Variants in AUTS2 observed in about 807,000 individuals in gnomAD.
The protein encoded by AUTS2 is autism susceptibility gene 2 protein.
In AUTS2, 17 loss-of-function variants were observed where a neutral mutation model predicts 112.4. The ratio of observed to expected loss-of-function variants is 0.15; its 90% CI spans 0.10 to 0.23. The LOEUF (loss-of-function observed/expected upper bound fraction) is 0.23. Ranked by LOEUF, AUTS2 falls within the 10% of genes least tolerant of loss-of-function variation. AUTS2 has a pLI of 1.00. For synonymous variants in AUTS2, 751 were observed against 702.7 expected (o/e 1.07, Z -1.09); for missense variants, 1,510 against 1,701.6 (o/e 0.89, Z 1.98).
At chr7:69,680,006 T>C (rs1266931710) in intron 1 of AUTS2, among the ~76,000 whole-genome samples, 1 of 152,238 alleles carries the variant, frequency 6.6e-6, no homozygotes, top group African/African-American at 2.4e-5. Context: ...CTTTTAACAT[T>C]ATATACTTGT....
intron 6 of AUTS2, among the ~76,000 whole-genome samples, chr7:70,757,604 A>G (rs900253076): frequency 2.1e-4 from 32 of 151,924 alleles, no homozygotes; most frequent in African/African-American, 6.8e-4. Context: ...TTTTAAGTCA[A>G]TTTTAGCAAT....
chr7:70,411,432 C>A (rs917141179), intron 4 of AUTS2, among the ~76,000 whole-genome samples: 2 of 152,072 alleles, frequency 1.3e-5, no homozygotes, highest in Non-Finnish European at 2.9e-5. Context: ...TAAATGAGAA[C>A]TTTTAGTTTG....
intron 1 of AUTS2, among the ~76,000 whole-genome samples, chr7:69,839,933 G>T (rs1791899872): frequency 6.6e-6 from 1 of 152,096 alleles, no homozygotes; most frequent in Admixed American, 6.6e-5. Flanking sequence ...AGGAATCATT[G>T]TAGACCAGTG....
chr7:69,712,529 C>T (rs969789339), intron 1 of AUTS2, among the ~76,000 whole-genome samples: 1 of 152,104 alleles, frequency 6.6e-6, no homozygotes, highest in African/African-American at 2.4e-5. Flanking sequence ...AATTAAGATT[C>T]ATCTATGTTG....
rs537873234 is a variant in AUTS2, at chr7:70,635,190, A to T, written c.691-63379A>T. Reference sequence around the variant, plus strand: ...CTGCAGGCTAGCCAGGCATTGCTCGACAGGGCATCTTGTTTGAGCTCCTCT... The same window carrying T: ...CTGCAGGCTAGCCAGGCATTGCTCGTCAGGGCATCTTGTTTGAGCTCCTCT... On this transcript the variant is annotated intron_variant, in intron 5 of 18. Transcript: ENST00000342771. 2.6e-5 allele frequency among the ~76,000 whole-genome samples: 4 copies of T among 152,270 alleles called. No individual in the cohort carries two copies. In the South Asian group the frequency reaches 8.3e-4, roughly 32 times the overall value.
chr7:70,325,609 G>T (rs761317410), intron 4 of AUTS2, among the ~76,000 whole-genome samples: 1 of 152,150 alleles, frequency 6.6e-6, no homozygotes, highest in Non-Finnish European at 1.5e-5. Context: ...ATATTTTAGG[G>T]TGATTGAGTT....
chr7:70,715,527 CTT>C (rs1810315669), intron 6 of AUTS2, among the ~76,000 whole-genome samples: 1 of 150,124 alleles, frequency 6.7e-6, no homozygotes, highest in Non-Finnish European at 1.5e-5. Flanking sequence ...CTTTTCTTTT[CTT>C]TTCTTTTCTT....
At chr7:69,803,353 G>A (rs1372169532) in intron 1 of AUTS2, among the ~76,000 whole-genome samples, 1 of 152,162 alleles carries the variant, frequency 6.6e-6, no homozygotes, top group Non-Finnish European at 1.5e-5. Flanking sequence ...GCATGTGCCA[G>A]TGGGGGCCAT....
At chr7:70,383,596 C>A (rs985377120) in intron 4 of AUTS2, among the ~76,000 whole-genome samples, 1 of 152,214 alleles carries the variant, frequency 6.6e-6, no homozygotes, top group African/African-American at 2.4e-5. Flanking sequence ...GCAGCACAGA[C>A]CTCATGCTAT....
intron 6 of AUTS2, among the ~76,000 whole-genome samples, chr7:70,749,316 C>T (rs985530124): frequency 6.6e-6 from 1 of 152,052 alleles, no homozygotes; most frequent in African/African-American, 2.4e-5. Flanking sequence ...TAGAACAGCT[C>T]TGTGCAAACT....
At chr7:70,163,975 G>C (rs916770230) in intron 4 of AUTS2, among the ~76,000 whole-genome samples, 1 of 152,290 alleles carries the variant, frequency 6.6e-6, no homozygotes, top group East Asian at 1.9e-4. Flanking sequence ...TAACAGGCTT[G>C]CAGTCTACTG....
intron 4 of AUTS2, among the ~76,000 whole-genome samples, chr7:70,168,029 G>A (rs1808472970): frequency 6.6e-6 from 1 of 152,110 alleles, no homozygotes; most frequent in Admixed American, 6.5e-5. Flanking sequence ...ACTTGTTTGG[G>A]GAATGTGATT....
Position 70,747,853 on chromosome 7 carries a change from G to A in AUTS2, c.743-15017G>A, listed in dbSNP as rs375004589. On this transcript the variant is annotated intron_variant, in intron 6 of 18. Coordinates refer to ENST00000342771, the MANE Select transcript of AUTS2 (RefSeq NM_015570.4). Reference sequence around the variant, plus strand: ...ATTTTTGTTTTTGAGACAGAGTCTCGCTCTGTCGCCCAGGCTGGAGTGCAG... The same window carrying A: ...ATTTTTGTTTTTGAGACAGAGTCTCACTCTGTCGCCCAGGCTGGAGTGCAG... 2.7e-4 allele frequency among the ~76,000 whole-genome samples: 40 copies of A among 149,760 alleles called. 1 individual carries two copies. In the South Asian group the frequency reaches 7.9e-3, roughly 29 times the overall value.
At chr7:70,127,777 G>C (rs906587731) in intron 3 of AUTS2, among the ~76,000 whole-genome samples, 14 of 152,248 alleles carry the variant, frequency 9.2e-5, no homozygotes, top group Non-Finnish European at 1.9e-4. Context: ...ATTTACAGTT[G>C]AGACATTTTT....
chr7:70,307,485 A>AT (rs1023367916), intron 4 of AUTS2, among the ~76,000 whole-genome samples: 2 of 152,202 alleles, frequency 1.3e-5, no homozygotes, highest in Non-Finnish European at 2.9e-5. Context: ...CCTGTAGGCC[A>AT]TTTTTGGAAA....
intron 5 of AUTS2, among the ~76,000 whole-genome samples, chr7:70,498,690 C>G (rs1562996672): frequency 6.6e-6 from 1 of 152,108 alleles, no homozygotes; most frequent in East Asian, 1.9e-4. Flanking sequence ...TTTAAAGTGC[C>G]TTTTGATTCT....
chr7:70,705,626 TC>T (rs1406679085), intron 6 of AUTS2, among the ~76,000 whole-genome samples: 2 of 152,168 alleles, frequency 1.3e-5, no homozygotes, highest in African/African-American at 4.8e-5. Context: ...CTCTCTTTTT[TC>T]CCCCTTCGCC....
At chr7:70,349,291 C>A (rs1472605191) in intron 4 of AUTS2, among the ~76,000 whole-genome samples, 1 of 152,116 alleles carries the variant, frequency 6.6e-6, no homozygotes, top group African/African-American at 2.4e-5. Context: ...TGGTGCACAG[C>A]AAGACAGACC....
intron 4 of AUTS2, among the ~76,000 whole-genome samples, chr7:70,147,889 G>A (rs774001039): frequency 2.6e-5 from 4 of 151,644 alleles, no homozygotes; most frequent in African/African-American, 7.3e-5. Context: ...TTCTGTCACC[G>A]GCAGTACCTG....
Sources: allele counts gnomAD v4.1 joint callset (sites outside exome capture counted in the v4.1 genomes callset), GRCh38; gene constraint gnomAD v4.1.1; transcripts MANE v1.5; gene names NCBI Gene and HGNC (gene_info 2026-07-23, HGNC 2026-07-21).